The following SLC24A3 variants were observed in gnomAD, a reference collection of about 807,000 sequenced individuals.
The protein encoded by SLC24A3 is sodium/potassium/calcium exchanger 3.
A neutral mutation model predicts 75.8 loss-of-function variants in SLC24A3; 28 were observed. The observed-to-expected ratio is 0.37, with a 90% CI of 0.27 to 0.51. The LOEUF (loss-of-function observed/expected upper bound fraction) is 0.51, where lower values mean the gene tolerates loss of function less well. Ranked by LOEUF, SLC24A3 falls within the 20% of genes least tolerant of loss-of-function variation. SLC24A3 has a pLI of 0.94. For synonymous variants in SLC24A3, 372 were observed against 334.1 expected (o/e 1.11, Z -1.24); for missense variants, 663 against 847.8 (o/e 0.78, Z 2.71).
chr20:19,276,421 G>A lies in SLC24A3; in HGVS notation c.143-4538G>A, dbSNP rs114199407. 3.5e-3 allele frequency among the ~76,000 whole-genome samples: 533 copies of A among 152,308 alleles called. 3 individuals are homozygous for A. Among genetic ancestry groups the A allele is most frequent in the African/African-American group, 0.012 (515 of 41,550 alleles). ...GAGAAATGCACTGTTAGGCGATTTTGTTCTTGTACCAACATCACAGAATGT... is the reference window on the plus strand; with the variant it reads ...GAGAAATGCACTGTTAGGCGATTTTATTCTTGTACCAACATCACAGAATGT... On this transcript the variant is annotated intron_variant, in intron 1 of 16. Transcript: ENST00000328041.
chr20:19,330,368 C>G (rs912197223), intron 2 of SLC24A3, among the ~76,000 whole-genome samples: 2 of 152,132 alleles, frequency 1.3e-5, no homozygotes, highest in African/African-American at 4.8e-5. Flanking sequence ...GTGGGAGAAA[C>G]GCTTATTTCC....
chr20:19,710,815 A>G (rs1368516334), intron 15 of SLC24A3, among the ~76,000 whole-genome samples: 4 of 152,256 alleles, frequency 2.6e-5, no homozygotes, highest in Non-Finnish European at 5.9e-5. Flanking sequence ...ACATGAGTAT[A>G]GGTATTTGTC....
chr20:19,450,457 G>A (rs1324827517), intron 2 of SLC24A3, among the ~76,000 whole-genome samples: 1 of 152,100 alleles, frequency 6.6e-6, no homozygotes, highest in Non-Finnish European at 1.5e-5. Context: ...GGAGGTTGGA[G>A]GGGTGTGGGC....
intron 7 of SLC24A3, among the ~76,000 whole-genome samples, chr20:19,656,702 T>C (rs1210233617): frequency 6.6e-6 from 1 of 152,196 alleles, no homozygotes; most frequent in Non-Finnish European, 1.5e-5. Flanking sequence ...AGGAGACGAC[T>C]GTGCTCATGA....
chr20:19,311,214 T>C (rs1984448166), intron 2 of SLC24A3, among the ~76,000 whole-genome samples: 2 of 152,280 alleles, frequency 1.3e-5, no homozygotes, highest in South Asian at 4.1e-4. Flanking sequence ...AATTTGGGCA[T>C]GAACCTAAAC....
chr20:19,323,841 C>T (rs13044427), intron 2 of SLC24A3, among the ~76,000 whole-genome samples: 3,312 of 152,260 alleles, frequency 0.022, 47 homozygotes, highest in Middle Eastern at 0.041. Context: ...TTCCATTACT[C>T]AGTTTAAAAA....
At chr20:19,374,190 T>C (rs1203204166) in intron 2 of SLC24A3, among the ~76,000 whole-genome samples, 1 of 152,132 alleles carries the variant, frequency 6.6e-6, no homozygotes, top group Non-Finnish European at 1.5e-5. Context: ...TGGGAAAGTT[T>C]CCCAGTTCCT....
chr20:19,529,108 C>T (rs2030248998), intron 3 of SLC24A3, among the ~76,000 whole-genome samples: 1 of 152,046 alleles, frequency 6.6e-6, no homozygotes, highest in South Asian at 2.1e-4. Context: ...ACATATTAGG[C>T]ACAGCTATTT....
chr20:19,557,189 G>A (rs751067496), intron 3 of SLC24A3, among the ~76,000 whole-genome samples: 20 of 152,196 alleles, frequency 1.3e-4, no homozygotes, highest in South Asian at 4.2e-4. Context: ...GCTTTTATCC[G>A]CTAGATAAAG....
intron 3 of SLC24A3, among the ~76,000 whole-genome samples, chr20:19,540,160 C>T (rs538902038): frequency 6.6e-5 from 10 of 152,268 alleles, no homozygotes; most frequent in African/African-American, 2.4e-4. Context: ...TCAAAGTACT[C>T]AGCATACCAA....
chr20:19,248,940 A>G (rs1038084254), intron 1 of SLC24A3, among the ~76,000 whole-genome samples: 1 of 150,510 alleles, frequency 6.6e-6, no homozygotes, highest in Admixed American at 6.7e-5. Flanking sequence ...AAATAACCAG[A>G]CACATAGAAG....
chr20:19,362,881 T>G (rs1331065217), intron 2 of SLC24A3, among the ~76,000 whole-genome samples: 1 of 152,210 alleles, frequency 6.6e-6, no homozygotes, highest in African/African-American at 2.4e-5. Flanking sequence ...CAGAAAGTTT[T>G]GTTGAAAATT....
intron 2 of SLC24A3, among the ~76,000 whole-genome samples, chr20:19,419,641 G>A (rs1430485233): frequency 1.3e-5 from 2 of 152,072 alleles, no homozygotes; most frequent in Admixed American, 6.5e-5. Flanking sequence ...AAGGGGCTGG[G>A]AAAAGGGTGT....
intron 2 of SLC24A3, among the ~76,000 whole-genome samples, chr20:19,509,793 G>T (rs972873992): frequency 6.6e-6 from 1 of 152,192 alleles, no homozygotes; most frequent in Admixed American, 6.5e-5. Flanking sequence ...GAGGCAATGG[G>T]AAGGAGGATC....
chr20:19,361,933 T>C (rs372078611), intron 2 of SLC24A3, among the ~76,000 whole-genome samples: 1 of 152,204 alleles, frequency 6.6e-6, no homozygotes, highest in East Asian at 1.9e-4. Flanking sequence ...TGGGGGTTGC[T>C]CTACCCACAT....
intron 2 of SLC24A3, among the ~76,000 whole-genome samples, chr20:19,444,418 T>G (rs1343258990): frequency 6.6e-6 from 1 of 152,220 alleles, no homozygotes; most frequent in African/African-American, 2.4e-5. Flanking sequence ...ATTTCTTCCT[T>G]AAAGGCTTGG....
chr20:19,680,896 A>G (rs3966684), intron 9 of SLC24A3, among the ~76,000 whole-genome samples: 69,273 of 152,098 alleles, frequency 0.46, 17,095 homozygotes, highest in South Asian at 0.63. Flanking sequence ...CCAGCTGGCA[A>G]CTTACGGTCA....
In SLC24A3 at chr20:19,332,341, C is replaced by T. The variant is rs111471066; in HGVS notation, c.271+51254C>T. On this transcript the variant is annotated intron_variant, in intron 2 of 16. Transcript: ENST00000328041. ...CCCCTCAACAGGGAGCAAGGCAGCT[C>T]CCTGAGCCCCCTTGCCTTGTTTCCC... is the stretch of plus-strand genomic sequence containing the variant. Among the ~76,000 whole-genome samples, 848 of 152,238 alleles carry T rather than the reference C, an allele frequency of 5.6e-3. 6 individuals carry two copies. Among genetic ancestry groups the T allele is most frequent in the African/African-American group, 0.02 (817 of 41,542 alleles).
At chr20:19,542,701 G>T (rs1285939868) in intron 3 of SLC24A3, among the ~76,000 whole-genome samples, 1 of 152,200 alleles carries the variant, frequency 6.6e-6, no homozygotes, top group Non-Finnish European at 1.5e-5. Flanking sequence ...AAAATGAAAG[G>T]AATGTACCCA....
Sources: allele counts gnomAD v4.1 joint callset (sites outside exome capture counted in the v4.1 genomes callset), GRCh38; gene constraint gnomAD v4.1.1; transcripts MANE v1.5; gene names NCBI Gene and HGNC (gene_info 2026-07-23, HGNC 2026-07-21).